CIITA: variants seen among roughly 807,000 people sequenced by gnomAD.
CIITA encodes class II major histocompatibility complex transactivator.
A neutral mutation model predicts 115.1 loss-of-function variants in CIITA; 72 were observed. That is an observed-to-expected ratio of 0.63 (90% confidence interval 0.52 to 0.76). The LOEUF (loss-of-function observed/expected upper bound fraction) is 0.76. Among genes scored for constraint, CIITA ranks in the 30% least tolerant of loss-of-function variants. CIITA has a pLI of 0.00. For missense variants in CIITA, 1,617 were observed against 1,463.8 expected (o/e 1.10, Z -1.71); for synonymous variants, 763 against 635.6 (o/e 1.20, Z -3.02).
intron 1 of CIITA, among the ~76,000 whole-genome samples, chr16:10,885,456 G>C (rs1003094051): frequency 6.6e-6 from 1 of 152,196 alleles, no homozygotes; most frequent in African/African-American, 2.4e-5. Context: ...GCATTGCAGT[G>C]TTGCTACATG....
At chr16:10,889,412 C>A (rs182632681) in intron 1 of CIITA, among the ~76,000 whole-genome samples, 1 of 152,198 alleles carries the variant, frequency 6.6e-6, no homozygotes, top group South Asian at 2.1e-4. Flanking sequence ...TTGACACCCT[C>A]TAATGTAATG....
chr16:10,903,689 A>G (rs769150432), intron 8 of CIITA, 42 bp from the exon 9 acceptor site: 2 of 1,612,120 alleles, frequency 1.2e-6, no homozygotes, highest in Non-Finnish European at 1.7e-6. Flanking sequence ...TTCTGGAATC[A>G]ATACCTGGTT....
rs1289611929 is a variant in CIITA, at chr16:10,929,286, G to C, written c.*5431G>C. Reference sequence around the variant, plus strand: ...AAGTGTCCTCTCCGAAGGTGAAGTGGGGGAAGCAGGTGCGCTCCGGGATGA... The same window carrying C: ...AAGTGTCCTCTCCGAAGGTGAAGTGCGGGAAGCAGGTGCGCTCCGGGATGA... On this transcript the variant is annotated 3_prime_UTR_variant, in exon 20 of 20. Coordinates refer to ENST00000324288, the MANE Select transcript of CIITA (RefSeq NM_000246.4). The surrounding 1 kb of genome is among the most constrained non-coding windows in gnomAD (Gnocchi z 4.3). The C allele has an allele frequency of 1.9e-5, 19 of 985,960 alleles. No individual in the cohort carries two copies. The highest frequency in any genetic ancestry group is 2.2e-5 in the Non-Finnish European group (18 of 829,978). The allele number at this position is 985,960 out of a possible 1,614,324, so 61.1% of individuals were successfully genotyped here.
chr16:10,920,613 T>C lies in CIITA; in HGVS notation c.3150-1554T>C, dbSNP rs1015234675. On this transcript the variant is annotated intron_variant, in intron 16 of 19. Transcript: ENST00000324288. The surrounding 1 kb of genome is among the most constrained non-coding windows in gnomAD (Gnocchi z 4.5). ...GATGCCATCCATTGTAAGACCCCAATATGAGGCCAAAATGCAAACTGTGAC... is the reference window on the plus strand; with the variant it reads ...GATGCCATCCATTGTAAGACCCCAACATGAGGCCAAAATGCAAACTGTGAC... 4.6e-5 allele frequency among the ~76,000 whole-genome samples: 7 copies of C among 152,168 alleles called. No homozygotes were observed. Among genetic ancestry groups the C allele is most frequent in the African/African-American group, 1.7e-4 (7 of 41,434 alleles).
rs1054910714 is a variant in CIITA at position 10,928,603 on chromosome 16, C to T, written c.*4748C>T. 1 of 152,320 alleles carries T rather than the reference C, an allele frequency of 6.6e-6. No individual in the cohort carries two copies. Among genetic ancestry groups the T allele is most frequent in the African/African-American group, 2.4e-5 (1 of 41,454 alleles). 9.4% of individuals were successfully genotyped at this position (152,320 alleles called of 1,614,324 possible). ...ACCATGCCAAGCCCTTCCCCCCTAT[C>T]TTTAATGAAGGTCTACCATGTGCCT... On this transcript the variant is annotated 3_prime_UTR_variant, in exon 20 of 20. Transcript: ENST00000324288.
Position 10,920,185 on chromosome 16 carries a change from T to C in CIITA, c.3149+1659T>C, listed in dbSNP as rs566779624. Among the ~76,000 whole-genome samples, 1 of 152,310 alleles carries C rather than the reference T, an allele frequency of 6.6e-6. No homozygotes were observed. Among genetic ancestry groups the C allele is most frequent in the Middle Eastern group, 3.4e-3 (1 of 294 alleles). ...ACAAGAGGTATTTGCAGTTTTTCAG[T>C]GTGAATGGAAAAGTAGGTGGGCCTG... is the stretch of plus-strand genomic sequence containing the variant. On this transcript the variant is annotated intron_variant, in intron 16 of 19. Transcript: ENST00000324288. The surrounding 1 kb of genome is among the most constrained non-coding windows in gnomAD (Gnocchi z 4.5).
chr16:10,880,290 C>G (rs1026077210), intron 1 of CIITA, among the ~76,000 whole-genome samples: 2 of 152,092 alleles, frequency 1.3e-5, no homozygotes, highest in East Asian at 3.9e-4. Flanking sequence ...CCCCCAGGCC[C>G]GGTTGGCTAG....
At chr16:10,918,667 T>A (rs2040096772) in intron 16 of CIITA, 141 bp downstream of exon 16, 1 of 707,148 alleles carries the variant, frequency 1.4e-6, no homozygotes, top group Non-Finnish European at 2.4e-6. Flanking sequence ...TAGCGGGACG[T>A]GGTGAAAGAA....
At chr16:10,904,903 C>T (rs1292477629) in intron 10 of CIITA, 91 bp downstream of exon 10, 7 of 1,326,402 alleles carry the variant, frequency 5.3e-6, no homozygotes, top group African/African-American at 1.4e-5. Flanking sequence ...ACTTATTCAA[C>T]CCCTTCTTTG....
downstream of CIITA, chr16:10,938,580 C>T (rs1489700576): frequency 1.3e-5 from 2 of 152,210 alleles, no homozygotes; most frequent in South Asian, 2.1e-4. The surrounding 1 kb of genome is among the most constrained non-coding windows in gnomAD (Gnocchi z 4.9). Context: ...GGAGATGAGG[C>T]TCGGTCAGAT....
At chr16:10,917,810 A>G (rs890526253) in intron 15 of CIITA, among the ~76,000 whole-genome samples, 1 of 152,192 alleles carries the variant, frequency 6.6e-6, no homozygotes, top group Non-Finnish European at 1.5e-5. Context: ...CCTAGAGGAT[A>G]TCAAAATCTT....
chr16:10,915,443 G>C (rs1424238855), intron 13 of CIITA, 127 bp from the exon 14 acceptor site: 10 of 753,028 alleles, frequency 1.3e-5, no homozygotes, highest in Middle Eastern at 3.0e-4. Flanking sequence ...AAGAGGCTGG[G>C]GTGGAAGGGA....
chr16:10,918,278 C>G (rs1812791298), intron 15 of CIITA, among the ~76,000 whole-genome samples, 162 bp from the exon 16 acceptor site: 1 of 152,240 alleles, frequency 6.6e-6, no homozygotes, highest in Non-Finnish European at 1.5e-5. Flanking sequence ...TCCCTGCCCT[C>G]CCACTTGGCC....
chr16:10,904,928 CATTT>C, intron 10 of CIITA, 116 bp downstream of exon 10: 2 of 1,036,414 alleles, frequency 1.9e-6, no homozygotes, highest in Non-Finnish European at 3.0e-6. Flanking sequence ...CTCACACACT[CATTT>C]ATTTATTCAT....
chr16:10,869,242 C>A (rs2035305525), intron 1 of CIITA, among the ~76,000 whole-genome samples: 1 of 152,202 alleles, frequency 6.6e-6, no homozygotes, highest in African/African-American at 2.4e-5. Context: ...CAGCTCCCTG[C>A]TCTCATCCCC....
chr16:10,934,738 C>A lies in CIITA; in HGVS notation c.*10883C>A, dbSNP rs1466812615. 6.6e-6 allele frequency: 1 copy of A among 152,176 alleles called. No homozygotes were observed. Among genetic ancestry groups the A allele is most frequent in the Non-Finnish European group, 1.5e-5 (1 of 68,038 alleles). 9.4% of individuals were successfully genotyped at this position (152,176 alleles called of 1,614,324 possible). On this transcript the variant is annotated 3_prime_UTR_variant, in exon 20 of 20. Transcript: ENST00000324288. This position sits in a 1 kb window ranked among gnomAD's most constrained non-coding sequence, Gnocchi z 4.2. Reference sequence around the variant, plus strand: ...GTTATTTTTAACCACCCAGCCAAGCCCCTTGCCAGGAGGGACTCCCAGAAA... The same window carrying A: ...GTTATTTTTAACCACCCAGCCAAGCACCTTGCCAGGAGGGACTCCCAGAAA...
rs150276623 is a variant in CIITA at position 10,918,485 on chromosome 16, C to T, written c.3108C>T (p.Ala1036=). 4.2e-4 allele frequency: 678 copies of T among 1,614,168 alleles called. 2 individuals carry two copies. In the African/African-American group the frequency reaches 7.2e-3, roughly 17 times the overall value. ...CTGACCTGGGTGCCTACAAACTCGC[C>T]GAGGCCCTGCCTTCGCTCGCTGCAT... The part of the protein sequence containing the change: ...NITDLGAYKL[A]EALPSLAASL... The change falls in exon 16 of 20, where the codon GCC becomes GCT. Residue 1036 remains alanine (A), a synonymous_variant. Coordinates refer to ENST00000324288, the MANE Select transcript of CIITA (RefSeq NM_000246.4).
At position 10,901,609 on chromosome 16, in the gene CIITA, G is replaced by T. The variant is rs116778555; in HGVS notation, c.481+51G>T. On this transcript the variant is annotated intron_variant, in intron 6 of 19. Coordinates refer to ENST00000324288, the MANE Select transcript of CIITA (RefSeq NM_000246.4). The surrounding 1 kb of genome is among the most constrained non-coding windows in gnomAD (Gnocchi z 6.8). ...TGGGAAGGGTGGATGCCTTGGGGAG[G>T]GGATGGAAGAGATTGAACTCCTGGC... is the stretch of plus-strand genomic sequence containing the variant. 1.9e-6 allele frequency: 3 copies of T among 1,581,786 alleles called. No individual in the cohort carries two copies. Among genetic ancestry groups the T allele is most frequent in the East Asian group, 2.3e-5 (1 of 44,356 alleles).
chr16:10,921,114 C>A (rs1320715331), intron 16 of CIITA, among the ~76,000 whole-genome samples: 2 of 152,176 alleles, frequency 1.3e-5, no homozygotes, highest in Non-Finnish European at 2.9e-5. Flanking sequence ...GTGATCCACC[C>A]GCCTCGGCCT....
Sources: allele counts gnomAD v4.1 joint callset (sites outside exome capture counted in the v4.1 genomes callset), GRCh38; gene constraint gnomAD v4.1.1; non-coding constraint Gnocchi (gnomAD v3.1); transcripts MANE v1.5; gene names NCBI Gene and HGNC (gene_info 2026-07-23, HGNC 2026-07-21).